The following C19orf38 variants were observed in gnomAD, a reference collection of about 807,000 sequenced individuals.
C19orf38 encodes the protein protein HIDE1.
Under a neutral mutation model 26.6 loss-of-function variants are expected in C19orf38, and 14 were observed. The ratio of observed to expected loss-of-function variants is 0.53; its 90% CI spans 0.35 to 0.82. The LOEUF is 0.82. Ranked by LOEUF, C19orf38 falls within the 40% of genes least tolerant of loss-of-function variation. C19orf38 has a pLI of 0.01. For synonymous variants in C19orf38, 132 were observed against 128.5 expected (o/e 1.03, Z -0.18); for missense variants, 261 against 299.5 (o/e 0.87, Z 0.95).
chr19:10,857,363 TA>T (rs1258875570), intron 3 of C19orf38, among the ~76,000 whole-genome samples: 53 of 89,614 alleles, frequency 5.9e-4, no homozygotes, highest in Middle Eastern at 5.0e-3. Context: ...TATATATATA[TA>T]TATTTTTTTT....
At chr19:10,867,271 T>C (rs1456617484) in intron 6 of C19orf38, among the ~76,000 whole-genome samples, 1 of 151,980 alleles carries the variant, frequency 6.6e-6, no homozygotes, top group Non-Finnish European at 1.5e-5. Flanking sequence ...CTGAGCTTGA[T>C]GTCCTCAAGG....
At chr19:10,837,665 AC>A (rs2073446349) in intron 1 of C19orf38, among the ~76,000 whole-genome samples, 1 of 149,954 alleles carries the variant, frequency 6.7e-6, no homozygotes, top group African/African-American at 2.5e-5. Flanking sequence ...GTGCCACCAC[AC>A]CTGGCTAATT....
intron 2 of C19orf38, 69 bp downstream of exon 2, chr19:10,850,636 G>A: frequency 6.7e-7 from 1 of 1,487,768 alleles, no homozygotes; most frequent in South Asian, 1.2e-5. Flanking sequence ...TGTGTGTACT[G>A]TTGACTCAGA....
intron 2 of C19orf38, among the ~76,000 whole-genome samples, chr19:10,853,378 C>T (rs918348273): frequency 2.0e-5 from 3 of 151,960 alleles, no homozygotes; most frequent in Non-Finnish European, 2.9e-5. Flanking sequence ...CCTCTACCTC[C>T]GAGGTTCAAG....
Position 10,869,230 on chromosome 19 carries a change from G to A in C19orf38, c.556G>A (p.Glu186Lys). Residue 186 changes from glutamate to lysine, a missense_variant, in exon 7 of 7, where the codon GAA becomes AAA. Transcript: ENST00000397820. ...LFTVSAKTMP[E>K]EDPATLDDHS... The stretch of plus-strand genomic sequence containing the variant: ...TACATGGACAAAGAAAACGATGCCA[G>A]AAGAAGACCCGGCCACCTTGGATGA... 6.4e-7 allele frequency: 1 copy of A among 1,551,608 alleles called. No homozygotes were observed. Among genetic ancestry groups the A allele is most frequent in the South Asian group, 1.2e-5 (1 of 84,062 alleles).
intron 1 of C19orf38, among the ~76,000 whole-genome samples, chr19:10,840,857 A>G (rs1828085058): frequency 6.6e-6 from 1 of 152,022 alleles, no homozygotes; most frequent in South Asian, 2.1e-4. Flanking sequence ...CTGGTCTCGA[A>G]CTCCTGACCT....
chr19:10,857,250 T>TTG (rs1206991259), intron 3 of C19orf38, among the ~76,000 whole-genome samples: 1 of 144,624 alleles, frequency 6.9e-6, no homozygotes, highest in African/African-American at 2.6e-5. Flanking sequence ...TTATGTGTGT[T>TTG]TGTGTGTGTG....
upstream of C19orf38, among the ~76,000 whole-genome samples, chr19:10,844,117 A>G (rs2073498036): frequency 6.6e-6 from 1 of 151,932 alleles, no homozygotes; most frequent in South Asian, 2.1e-4. Context: ...ATGTCTAAAA[A>G]AAAAAAAGGC....
intron 2 of C19orf38, among the ~76,000 whole-genome samples, chr19:10,852,887 C>T (rs549412561): frequency 6.6e-6 from 1 of 151,670 alleles, no homozygotes; most frequent in Non-Finnish European, 1.5e-5. Context: ...GAGGGAGGAG[C>T]CTTTGGTGGC....
rs570425047 is a variant in C19orf38 at position 10,850,384 on chromosome 19, C to T, written c.157C>T (p.Arg53Ter). The T allele has an allele frequency of 5.8e-6, 9 of 1,550,690 alleles. No homozygotes were observed. The highest frequency in any genetic ancestry group is 4.9e-5 in the East Asian group (2 of 40,902). ...CCCGGGGGCGAATTTCACACTGTAT[C>T]GAGGGGGGCAGGTGGTCCAGCTCCT... ...NFPGANFTLY[R>*]GGQVVQLLQA... The change falls in exon 2 of 7, where the codon CGA becomes TGA. Residue 53 changes from arginine (R) to a stop codon, truncating the protein, a stop_gained. Transcript: ENST00000397820. LOFTEE classifies it high-confidence loss of function.
At chr19:10,839,225 T>C (rs1487143050) in intron 1 of C19orf38, among the ~76,000 whole-genome samples, 1 of 152,106 alleles carries the variant, frequency 6.6e-6, no homozygotes, top group African/African-American at 2.4e-5. Flanking sequence ...CATTTCTTAG[T>C]TCCTGTACAC....
chr19:10,849,933 C>T (rs907516842), intron 1 of C19orf38, among the ~76,000 whole-genome samples: 6 of 152,092 alleles, frequency 3.9e-5, no homozygotes, highest in African/African-American at 1.4e-4. Flanking sequence ...GGCATAGTGC[C>T]ACATGCCTGT....
chr19:10,849,926 A>C (rs987173789), intron 1 of C19orf38, among the ~76,000 whole-genome samples: 1 of 151,968 alleles, frequency 6.6e-6, no homozygotes, highest in Non-Finnish European at 1.5e-5. Context: ...TTGGCCAGGC[A>C]TAGTGCCACA....
chr19:10,848,354 A>G (rs971325390), upstream of C19orf38: 2 of 754,544 alleles, frequency 2.7e-6, no homozygotes, highest in African/African-American at 3.4e-5. Flanking sequence ...TCAGTGCCCA[A>G]GCCTGTGTGT....
chr19:10,846,293 T>C (rs2073516730), upstream of C19orf38, among the ~76,000 whole-genome samples: 1 of 151,382 alleles, frequency 6.6e-6, no homozygotes, highest in East Asian at 2.0e-4. Flanking sequence ...CCTTCCCGGG[T>C]TCACGCCATT....
chr19:10,862,201 GTTTTTTTTTTTT>G (rs566409872), intron 5 of C19orf38, among the ~76,000 whole-genome samples: 1 of 120,916 alleles, frequency 8.3e-6, no homozygotes, highest in Admixed American at 8.5e-5. Context: ...CGCCCAGCCT[GTTTTTTTTTTTT>G]TTTTTTTTTG....
At chr19:10,840,543 G>A (rs369380165) in intron 1 of C19orf38, among the ~76,000 whole-genome samples, 4 of 152,006 alleles carry the variant, frequency 2.6e-5, no homozygotes, top group Admixed American at 6.6e-5. Context: ...GTTTTGAGAC[G>A]GAGTCTTGCT....
chr19:10,860,349 T>C lies in C19orf38; in HGVS notation c.505+391T>C, dbSNP rs1001906507. On this transcript the variant is annotated intron_variant, in intron 5 of 6. Transcript: ENST00000397820. ...GAATTCGAGATCAGCCTGGCCAACA[T>C]AGTGAAACCCCGTCTCTACTAAAAA... Among the ~76,000 whole-genome samples, 4 of 148,596 alleles carry C rather than the reference T, an allele frequency of 2.7e-5. No homozygotes were observed. The East Asian group carries it at 6.1e-4, about 23-fold the overall frequency.
At chr19:10,865,926 C>A (rs2073746859) in intron 6 of C19orf38, among the ~76,000 whole-genome samples, 1 of 152,060 alleles carries the variant, frequency 6.6e-6, no homozygotes, top group South Asian at 2.1e-4. Context: ...GATCCTCCAG[C>A]CTCAGCCTCC....
Sources: allele counts gnomAD v4.1 joint callset (sites outside exome capture counted in the v4.1 genomes callset), GRCh38; gene constraint gnomAD v4.1.1; transcripts MANE v1.5; gene names NCBI Gene and HGNC (gene_info 2026-07-23, HGNC 2026-07-21).